COL21A1: variants seen among roughly 807,000 people sequenced by gnomAD.
The protein encoded by COL21A1 is collagen alpha-1(XXI) chain.
A neutral mutation model predicts 137.9 loss-of-function variants in COL21A1; 149 were observed. The observed-to-expected ratio is 1.08, with a 90% CI of 0.95 to 1.24. The LOEUF (loss-of-function observed/expected upper bound fraction) is 1.24, where lower values mean the gene tolerates loss of function less well. COL21A1 is among the 50% of genes most tolerant of loss of function. The pLI is 0.00. For missense variants in COL21A1, 1,167 were observed against 1,158.4 expected (o/e 1.01, Z -0.11); for synonymous variants, 456 against 391.5 (o/e 1.16, Z -1.95).
At chr6:56,379,783 T>C (rs1246309285) in intron 1 of COL21A1, among the ~76,000 whole-genome samples, 4 of 152,194 alleles carry the variant, frequency 2.6e-5, no homozygotes, top group Non-Finnish European at 5.9e-5. Context: ...TTCCTCACTA[T>C]CTCTTCAACA....
chr6:56,184,726 G>A (rs1398145346), intron 1 of COL21A1, among the ~76,000 whole-genome samples: 1 of 152,170 alleles, frequency 6.6e-6, no homozygotes, highest in Non-Finnish European at 1.5e-5. Flanking sequence ...TATGTTCCTT[G>A]ACCAAAGGGC....
rs1194811264 is a variant in COL21A1, at chr6:56,066,977, A to ATG, written c.2127+316_2127+317dup. On this transcript the variant is annotated intron_variant, in intron 23 of 29. Coordinates refer to ENST00000244728, the MANE Select transcript of COL21A1 (RefSeq NM_030820.4). ...ACTGTGTGTGTGTATATATATATAT[A>ATG]TGTGTGTGTGTGTGTGTGTATGTGG... Among the ~76,000 whole-genome samples the ATG allele has an allele frequency of 9.1e-3, 1,334 of 146,588 alleles. 20 individuals carry two copies. The highest frequency in any genetic ancestry group is 0.03 in the African/African-American group (1,217 of 40,068).
chr6:56,247,845 A>T (rs1782735775), upstream of COL21A1: 1 of 152,850 alleles, frequency 6.5e-6, no homozygotes, highest in Non-Finnish European at 1.5e-5. Flanking sequence ...AAGGCAACTC[A>T]GTTGAAAGGG....
At chr6:56,115,160 G>T in intron 16 of COL21A1, among the ~76,000 whole-genome samples, 1 of 125,812 alleles carries the variant, frequency 7.9e-6, no homozygotes, top group African/African-American at 2.9e-5. Context: ...GTGGGGTGGG[G>T]GGAGGGATAG....
rs1223010389 is a variant in COL21A1, at chr6:56,130,187, A to C, written c.1543-4038T>G. 5.1e-4 allele frequency among the ~76,000 whole-genome samples: 7 copies of C among 13,766 alleles called. 1 individual carries two copies. The highest frequency in any genetic ancestry group is 1.4e-3 in the African/African-American group (7 of 5,074). The allele number at this position is 13,766 out of a possible 152,430, so 9.0% of individuals were successfully genotyped here. ...GTTTTATATATATATATATATATAT[A>C]TATATATATATATATATATATATAA... On this transcript the variant is annotated intron_variant, in intron 12 of 29. Coordinates refer to ENST00000244728, the MANE Select transcript of COL21A1 (RefSeq NM_030820.4).
chr6:56,129,634 TGC>T (rs1163939664), intron 12 of COL21A1, among the ~76,000 whole-genome samples: 1 of 149,076 alleles, frequency 6.7e-6, no homozygotes, highest in Admixed American at 6.8e-5. Flanking sequence ...CTCTGTCACG[TGC>T]GTGCGTGTGT....
At chr6:56,318,006 A>T (rs1764779124) in intron 1 of COL21A1, among the ~76,000 whole-genome samples, 1 of 152,212 alleles carries the variant, frequency 6.6e-6, no homozygotes. Flanking sequence ...TAATTACAAT[A>T]CAGTAACACA....
intron 7 of COL21A1, among the ~76,000 whole-genome samples, chr6:56,165,859 C>A (rs1312539589): frequency 6.6e-6 from 1 of 151,662 alleles, no homozygotes; most frequent in Non-Finnish European, 1.5e-5. Context: ...ACCATATTTC[C>A]ACTAGCAGTA....
Position 56,141,937 on chromosome 6 carries a change from C to T in COL21A1, c.1481G>A (p.Gly494Glu). The T allele has an allele frequency of 6.5e-7, 1 of 1,547,598 alleles. No homozygotes were observed. ...TATAAGTGGATCACATACTTGTATT[C>T]CTGGAGATCCTGGAACACCTGGTGT... The part of the protein sequence containing the change: ...AGTPGVPGSP[G>E]IQGARGLPGY... Residue 494 changes from glycine (G) to glutamate (E), a missense_variant, in exon 11 of 30, where the codon GGA becomes GAA. Gly to Glu is a moderately conservative substitution (Grantham distance 98). Transcript: ENST00000244728.
At chr6:56,357,118 G>A (rs1322222823) in intron 1 of COL21A1, among the ~76,000 whole-genome samples, 2 of 152,036 alleles carry the variant, frequency 1.3e-5, no homozygotes, top group Non-Finnish European at 2.9e-5. Flanking sequence ...CTAACTCAAA[G>A]CAACCATTCC....
chr6:56,084,289 T>A (rs1768042012), intron 17 of COL21A1, among the ~76,000 whole-genome samples: 1 of 151,636 alleles, frequency 6.6e-6, no homozygotes, highest in Admixed American at 6.6e-5. Context: ...TGAAATGAGA[T>A]AGATTTTATA....
chr6:56,310,733 T>C (rs921049944), intron 1 of COL21A1, among the ~76,000 whole-genome samples: 2 of 152,148 alleles, frequency 1.3e-5, no homozygotes, highest in Admixed American at 6.6e-5. Flanking sequence ...AGCTTTACCA[T>C]CCAATGCTAA....
chr6:56,087,881 G>T (rs2114187215), intron 17 of COL21A1, among the ~76,000 whole-genome samples: 1 of 152,194 alleles, frequency 6.6e-6, no homozygotes. Context: ...GTGGCATCTG[G>T]AAATGCTTGT....
chr6:56,219,499 CT>C (rs1780697807), intron 1 of COL21A1, among the ~76,000 whole-genome samples: 1 of 152,072 alleles, frequency 6.6e-6, no homozygotes, highest in Non-Finnish European at 1.5e-5. Flanking sequence ...CTTCATTCGC[CT>C]TATTCACCTG....
At chr6:56,068,016 A>T (rs1439959374) in intron 22 of COL21A1, among the ~76,000 whole-genome samples, 1 of 151,742 alleles carries the variant, frequency 6.6e-6, no homozygotes, top group African/African-American at 2.4e-5. Context: ...CAACAAAAAA[A>T]TACAGATTTT....
At position 56,325,547 on chromosome 6, in the gene COL21A1, A is replaced by ATATTAT. The variant is rs1562057061; in HGVS notation, c.-39+68423_-39+68424insATAATA. ...TATATATTATATATAAATATATAATACATATATAATATATAATATATTATC... is the reference window on the plus strand; with the variant it reads ...TATATATTATATATAAATATATAATATATTATCATATATAATATATAATATATTATC... On this transcript the variant is annotated intron_variant, in intron 1 of 28. Coordinates refer to the COL21A1 transcript ENST00000370819. Among the ~76,000 whole-genome samples, 15 of 9,352 alleles carry ATATTAT rather than the reference A, an allele frequency of 1.6e-3. 2 individuals are homozygous for ATATTAT. Among genetic ancestry groups the ATATTAT allele is most frequent in the South Asian group, 4.8e-3 (1 of 210 alleles). The allele number at this position is 9,352 out of a possible 152,430, so 6.1% of individuals were successfully genotyped here.
intron 14 of COL21A1, 118 bp downstream of exon 14, chr6:56,125,449 T>G: frequency 1.6e-6 from 1 of 615,450 alleles, no homozygotes; most frequent in Non-Finnish European, 2.7e-6. Flanking sequence ...ATTAATCCCC[T>G]AAGAAGGGTG....
intron 18 of COL21A1, among the ~76,000 whole-genome samples, chr6:56,076,633 GAC>G (rs1767272443): frequency 6.6e-6 from 1 of 151,140 alleles, no homozygotes; most frequent in Non-Finnish European, 1.5e-5. Flanking sequence ...TAACAGATTA[GAC>G]ACAATAAAGA....
At chr6:56,212,587 A>G (rs1712624962) in intron 1 of COL21A1, among the ~76,000 whole-genome samples, 1 of 152,104 alleles carries the variant, frequency 6.6e-6, no homozygotes, top group African/African-American at 2.4e-5. Flanking sequence ...ATGAAAAACA[A>G]AAGTGCTTAA....
Sources: gnomAD v4.1 joint callset for allele counts (sites outside exome capture counted in the v4.1 genomes callset) on GRCh38, gnomAD v4.1.1 for gene constraint, MANE v1.5 for transcripts, NCBI Gene and HGNC (gene_info 2026-07-23, HGNC 2026-07-21) for gene names.